NLRP4: variants seen among roughly 807,000 people sequenced by gnomAD.
NLRP4 encodes NACHT, LRR and PYD domains-containing protein 4.
Under a neutral mutation model 84.7 loss-of-function variants are expected in NLRP4, and 44 were observed. That is an observed-to-expected ratio of 0.52 (90% CI 0.41 to 0.67). The LOEUF (loss-of-function observed/expected upper bound fraction) is 0.67, where lower values mean the gene tolerates loss of function less well. Among genes scored for constraint, NLRP4 ranks in the 30% least tolerant of loss-of-function variants. NLRP4 has a pLI of 0.00. For missense variants in NLRP4, 1,260 were observed against 1,219.4 expected (o/e 1.03, Z -0.50); for synonymous variants, 544 against 476.4 (o/e 1.14, Z -1.85).
At chr19:55,874,038 G>C (rs778723753) in intron 7 of NLRP4, among the ~76,000 whole-genome samples, 1 of 151,934 alleles carries the variant, frequency 6.6e-6, no homozygotes, top group African/African-American at 2.4e-5. Flanking sequence ...AGAAACTAAT[G>C]AAACAAAAAT....
intron 6 of NLRP4, 144 bp from the exon 7 acceptor site, chr19:55,870,683 G>C (rs1049150376): frequency 5.0e-6 from 3 of 602,546 alleles, no homozygotes; most frequent in Non-Finnish European, 5.9e-6. Flanking sequence ...AATGAGAGGA[G>C]GTGTTTTCAG....
chr19:55,855,593 C>A (rs931297078), intron 2 of NLRP4, among the ~76,000 whole-genome samples: 6 of 152,234 alleles, frequency 3.9e-5, no homozygotes, highest in Admixed American at 1.3e-4. Flanking sequence ...CTACTGTCAG[C>A]AGTCTGTGGG....
chr19:55,856,721 G>A (rs111608889), intron 2 of NLRP4, among the ~76,000 whole-genome samples: 41 of 151,966 alleles, frequency 2.7e-4, no homozygotes, highest in Admixed American at 3.3e-4. Flanking sequence ...TCACCATGTT[G>A]GCCAGGATGG....
At chr19:55,876,372 A>G (rs998709007) in intron 7 of NLRP4, among the ~76,000 whole-genome samples, 1 of 152,142 alleles carries the variant, frequency 6.6e-6, no homozygotes, top group African/African-American at 2.4e-5. Flanking sequence ...GTTTTGAGAC[A>G]GTCTCTCACT....
chr19:55,863,742 C>CTGGATACTGGTA (rs1349140840), intron 5 of NLRP4, among the ~76,000 whole-genome samples: 1 of 152,136 alleles, frequency 6.6e-6, no homozygotes, highest in Non-Finnish European at 1.5e-5. Flanking sequence ...GTTTCTTGAC[C>CTGGATACTGGTA]TGGATACTGG....
chr19:55,878,696 G>A (rs577243760), intron 8 of NLRP4, 98 bp from the exon 9 acceptor site: 1 of 1,038,068 alleles, frequency 9.6e-7, no homozygotes, highest in East Asian at 2.6e-5. Context: ...TGCACTTGAG[G>A]CAATGGGGTG....
intron 1 of NLRP4, among the ~76,000 whole-genome samples, chr19:55,849,662 G>C (rs865825006): frequency 1.1e-4 from 17 of 152,342 alleles, no homozygotes; most frequent in Middle Eastern, 3.4e-3. Flanking sequence ...TTGTCAAAAT[G>C]AGTTGGCTAC....
intron 9 of NLRP4, among the ~76,000 whole-genome samples, chr19:55,881,131 A>T (rs1985567736): frequency 2.2e-5 from 1 of 44,770 alleles, no homozygotes; most frequent in South Asian, 7.7e-4. Context: ...AGCTGGTGAG[A>T]GCCACGTGTG....
chr19:55,862,018 A>G lies in NLRP4; in HGVS notation c.2045A>G (p.Gln682Arg), dbSNP rs1323841403. ...LGINNVSFSG[Q>R]SVLLFEVLFY... The stretch of plus-strand genomic sequence containing the variant: ...ATAAATAACGTTTCCTTTTCTGGCC[A>G]GAGTGTTCTGCTCTTTGAGGTGCTC... Residue 682 changes from glutamine (Q) to arginine (R), a missense_variant, in exon 5 of 10, where the codon CAG becomes CGG. By Grantham distance (43) the Gln-to-Arg change is conservative (BLOSUM62 1). Transcript: ENST00000301295. The G allele has an allele frequency of 9.3e-6, 15 of 1,613,852 alleles. No homozygotes were observed. The highest frequency in any genetic ancestry group is 1.3e-5 in the African/African-American group (1 of 74,932).
chr19:55,845,171 C>T (rs1206572470), intron 1 of NLRP4, among the ~76,000 whole-genome samples: 1 of 100,186 alleles, frequency 1.0e-5, no homozygotes, highest in Admixed American at 1.4e-4. Flanking sequence ...TGCTATCCCT[C>T]CCCCCTCCCC....
At chr19:55,859,318 G>A (rs1984623378) in intron 3 of NLRP4, 69 bp downstream of exon 3, 1 of 1,323,350 alleles carries the variant, frequency 7.6e-7, no homozygotes, top group South Asian at 1.4e-5. Flanking sequence ...GTTTTGCTGA[G>A]GGAGTGTTTA....
At position 55,858,009 on chromosome 19, in the gene NLRP4, T is replaced by G. The variant is rs771993499; in HGVS notation, c.616T>G (p.Ser206Ala). Residue 206 changes from serine to alanine, a missense_variant, in exon 3 of 10, where the codon TCC (serine) becomes GCC (alanine). Ser to Ala is a moderately conservative substitution (Grantham distance 99). This residue lies in a region of NLRP4 where 712 missense variants were observed against 669.2 expected (regional missense o/e 1.06). Coordinates refer to ENST00000301295, the MANE Select transcript of NLRP4 (RefSeq NM_134444.5). The surrounding 1 kb of genome is among the most constrained non-coding windows in gnomAD (Gnocchi z 4.2). ...GCCAACGAGTTTGGCTGACTTGATT[T>G]CCAGAGAGTGGCCTGACCCCGCTGC... Reference protein sequence around the residue: ...LPPTSLADLISREWPDPAAPI... With the variant: ...LPPTSLADLIAREWPDPAAPI... 8 of 1,614,180 alleles carry G rather than the reference T, an allele frequency of 5.0e-6. No homozygotes were observed. The South Asian group carries it at 8.8e-5, about 18-fold the overall frequency.
chr19:55,872,275 A>G (rs754034522), intron 7 of NLRP4, among the ~76,000 whole-genome samples: 2 of 151,968 alleles, frequency 1.3e-5, no homozygotes, highest in African/African-American at 4.9e-5. Context: ...TGAAAGAAAC[A>G]AGAGCAAATT....
chr19:55,861,321 T>G, intron 3 of NLRP4, 65 bp from the exon 4 acceptor site: 1 of 1,366,568 alleles, frequency 7.3e-7, no homozygotes, highest in Admixed American at 1.8e-5. Flanking sequence ...GTAGTGCGTA[T>G]ATGTGTTACA....
In NLRP4 at chr19:55,858,081, A is replaced by T. The variant is rs760736982; in HGVS notation, c.688A>T (p.Ile230Phe). Residue 230 changes from isoleucine (I) to phenylalanine (F), a missense_variant, in exon 3 of 10, where the codon ATC (isoleucine) becomes TTC (phenylalanine). By Grantham distance (21) the Ile-to-Phe change is conservative. Coordinates refer to ENST00000301295, the MANE Select transcript of NLRP4 (RefSeq NM_134444.5). The surrounding 1 kb of genome is among the most constrained non-coding windows in gnomAD (Gnocchi z 4.2). ...TCAACCGGAGAGACTCTTGTTCGTC[A>T]TCGACAGCTTCGAAGAGCTGCAGGG... ...VSQPERLLFV[I>F]DSFEELQGGL... is the part of the protein sequence containing the mutation. The T allele has an allele frequency of 3.7e-6, 6 of 1,614,174 alleles. No individual in the cohort carries two copies. The highest frequency in any genetic ancestry group is 5.1e-6 in the Non-Finnish European group (6 of 1,180,038).
At chr19:55,850,256 TGCGGTGTAATTTCCGA>T (rs1984026755) in intron 1 of NLRP4, among the ~76,000 whole-genome samples, 3 of 135,874 alleles carry the variant, frequency 2.2e-5, no homozygotes, top group Non-Finnish European at 4.6e-5. Context: ...TTTCCGAGGC[TGCGGTGTAATTTCCGA>T]GGCTGCGGTG....
At chr19:55,849,831 A>AAGCTGCGGTGTAATTTCTGT (rs1983950672) in intron 1 of NLRP4, among the ~76,000 whole-genome samples, 1 of 114,628 alleles carries the variant, frequency 8.7e-6, no homozygotes, top group East Asian at 2.4e-4. Flanking sequence ...GTAATTTCCG[A>AAGCTGCGGTGTAATTTCTGT]AGCTGCGGTG....
chr19:55,837,537 ATATT>A (rs1465795993), intron 1 of NLRP4, among the ~76,000 whole-genome samples: 1 of 151,998 alleles, frequency 6.6e-6, no homozygotes, highest in Non-Finnish European at 1.5e-5. Flanking sequence ...TATAGAAAGA[ATATT>A]TATCTTTCTA....
In NLRP4 at chr19:55,876,976, G is replaced by T; in HGVS notation, c.2526-20G>T. On this transcript the variant is annotated intron_variant, in intron 7 of 9. Transcript: ENST00000301295. ...TGAGGTGTAATAGCCTTTAAGCATG[G>T]TACCCTTACTCCTTTGCAGTTTGGT... The T allele has an allele frequency of 6.2e-7, 1 of 1,604,264 alleles. No homozygotes were observed. Among genetic ancestry groups the T allele is most frequent in the Non-Finnish European group, 8.5e-7 (1 of 1,172,690 alleles).
Sources: allele counts gnomAD v4.1 joint callset (sites outside exome capture counted in the v4.1 genomes callset), GRCh38; gene constraint gnomAD v4.1.1; regional missense constraint gnomAD v4.1.1; non-coding constraint Gnocchi (gnomAD v3.1); transcripts MANE v1.5; gene names NCBI Gene and HGNC (gene_info 2026-07-23, HGNC 2026-07-21).